The following PHACTR4 variants were observed in gnomAD, a reference collection of about 807,000 sequenced individuals.
PHACTR4 encodes protein phosphatase 1, regulatory subunit 124.
PHACTR4 carries 51 observed loss-of-function variants against 72.7 expected under a neutral mutation model. The observed-to-expected ratio is 0.70, with a 90% CI of 0.56 to 0.89. PHACTR4 has a LOEUF of 0.89. Ranked by LOEUF, PHACTR4 falls within the 40% of genes least tolerant of loss-of-function variation. PHACTR4 has a pLI of 0.00. For missense variants in PHACTR4, 731 were observed against 861.8 expected (o/e 0.85, Z 1.90); for synonymous variants, 255 against 302.5 (o/e 0.84, Z 1.63).
chr1:28,377,346 C>T (rs1367017344), intron 1 of PHACTR4, among the ~76,000 whole-genome samples: 3 of 150,724 alleles, frequency 2.0e-5, no homozygotes, highest in African/African-American at 7.3e-5. Flanking sequence ...TCAAGTGATT[C>T]TCCTGCCTCA....
At chr1:28,418,608 A>G (rs982468588) in intron 2 of PHACTR4, among the ~76,000 whole-genome samples, 1 of 152,162 alleles carries the variant, frequency 6.6e-6, no homozygotes, top group African/African-American at 2.4e-5. Context: ...TTCTTATTAC[A>G]AAAACAATAT....
At chr1:28,431,670 A>G (rs1264346621) in intron 2 of PHACTR4, among the ~76,000 whole-genome samples, 2 of 152,342 alleles carry the variant, frequency 1.3e-5, no homozygotes, top group Non-Finnish European at 2.9e-5. Flanking sequence ...GAAAAGGAAG[A>G]TAAAGTCTTC....
chr1:28,497,950 C>A lies in PHACTR4; in HGVS notation c.*1401C>A, dbSNP rs1358210610. The A allele has an allele frequency of 6.6e-6, 1 of 150,506 alleles. No homozygotes were observed. Among genetic ancestry groups the A allele is most frequent in the African/African-American group, 2.5e-5 (1 of 40,788 alleles). The allele number at this position is 150,506 out of a possible 1,614,324, so 9.3% of individuals were successfully genotyped here. ...GGTGGAGATTGCAGTGAGCCGAGATCGCGCCACTGCACTCCAGCCTGGGTG... is the reference window on the plus strand; with the variant it reads ...GGTGGAGATTGCAGTGAGCCGAGATAGCGCCACTGCACTCCAGCCTGGGTG... On this transcript the variant is annotated 3_prime_UTR_variant, in exon 14 of 14. Coordinates refer to ENST00000373839, the MANE Select transcript of PHACTR4 (RefSeq NM_001048183.3).
At chr1:28,387,322 CAAAT>C (rs1652637025) in intron 1 of PHACTR4, among the ~76,000 whole-genome samples, 1 of 149,324 alleles carries the variant, frequency 6.7e-6, no homozygotes, top group Admixed American at 6.7e-5. Context: ...CAGTGAGTGA[CAAAT>C]AGAAAGAGGG....
chr1:28,419,722 AG>A (rs1655388482), intron 2 of PHACTR4, among the ~76,000 whole-genome samples: 1 of 152,196 alleles, frequency 6.6e-6, no homozygotes, highest in Non-Finnish European at 1.5e-5. Context: ...TAAAAGCTTT[AG>A]TTACCCTAGG....
At chr1:28,417,999 A>G (rs999595772) in intron 2 of PHACTR4, among the ~76,000 whole-genome samples, 4 of 151,240 alleles carry the variant, frequency 2.6e-5, no homozygotes, top group African/African-American at 9.7e-5. Flanking sequence ...TTAGCCAGGT[A>G]TGGTGGCACA....
chr1:28,455,425 G>T (rs954251252), intron 2 of PHACTR4, among the ~76,000 whole-genome samples: 3 of 151,886 alleles, frequency 2.0e-5, no homozygotes, highest in Non-Finnish European at 2.9e-5. Flanking sequence ...TCAAACTCCT[G>T]ATCTCAGGTG....
chr1:28,384,609 A>C (rs1348889516), intron 1 of PHACTR4, among the ~76,000 whole-genome samples: 1 of 151,956 alleles, frequency 6.6e-6, no homozygotes, highest in Non-Finnish European at 1.5e-5. Context: ...CAAAGACCCA[A>C]CTCCACCAGG....
intron 6 of PHACTR4, among the ~76,000 whole-genome samples, chr1:28,468,777 G>A (rs1659377845): frequency 6.6e-6 from 1 of 152,118 alleles, no homozygotes; most frequent in African/African-American, 2.4e-5. Flanking sequence ...ATTTTAGTAA[G>A]CCTGGGATGG....
Position 28,473,828 on chromosome 1 carries a change from T to C in PHACTR4, c.1098T>C (p.Phe366=). Residue 366 remains phenylalanine (F), a synonymous_variant, in exon 7 of 14, where the codon TTT becomes TTC. Transcript: ENST00000373839. ...PRTPPFPAKT[F]QVVPEIEFPP... is the part of the protein sequence containing the mutation. ...CCCCTCCATTCCCTGCTAAGACTTT[T>C]CAAGTTGTGCCAGAAATTGAGTTTC... 1 of 1,613,990 alleles carries C rather than the reference T, an allele frequency of 6.2e-7. No individual in the cohort carries two copies. The highest frequency in any genetic ancestry group is 8.5e-7 in the Non-Finnish European group (1 of 1,180,006).
chr1:28,467,508 C>G (rs543796588), intron 6 of PHACTR4, among the ~76,000 whole-genome samples: 1 of 152,042 alleles, frequency 6.6e-6, no homozygotes, highest in African/African-American at 2.4e-5. Context: ...AATGCCTCAG[C>G]TCACAAGGGG....
At chr1:28,392,856 CTG>C (rs1206824843) in intron 1 of PHACTR4, among the ~76,000 whole-genome samples, 1 of 151,656 alleles carries the variant, frequency 6.6e-6, no homozygotes, top group East Asian at 1.9e-4. Context: ...AATTTTCTAT[CTG>C]TGAAATTGTG....
At chr1:28,444,889 A>T (rs2124423361) in intron 2 of PHACTR4, among the ~76,000 whole-genome samples, 1 of 150,886 alleles carries the variant, frequency 6.6e-6, no homozygotes, top group Non-Finnish European at 1.5e-5. Flanking sequence ...GGCATCCCAA[A>T]GTGCTGGGAT....
intron 8 of PHACTR4, among the ~76,000 whole-genome samples, chr1:28,477,088 ATTT>A (rs761589104): frequency 1.5e-5 from 2 of 129,606 alleles, no homozygotes; most frequent in African/African-American, 2.8e-5. Flanking sequence ...TATATATATA[ATTT>A]TTTTTTTTTT....
chr1:28,462,157 G>A (rs544293066), intron 4 of PHACTR4, among the ~76,000 whole-genome samples: 44 of 150,972 alleles, frequency 2.9e-4, no homozygotes, highest in African/African-American at 9.5e-4. Flanking sequence ...ACAGGCATCC[G>A]CCACCACACC....
intron 1 of PHACTR4, among the ~76,000 whole-genome samples, chr1:28,403,404 A>G (rs541845604): frequency 1.3e-5 from 2 of 151,934 alleles, no homozygotes; most frequent in South Asian, 2.1e-4. Context: ...CCTTGAGTCA[A>G]CTCTTCATAT....
Position 28,465,865 on chromosome 1 carries a change from T to G in PHACTR4, c.436+16T>G. 6.3e-7 allele frequency: 1 copy of G among 1,595,918 alleles called. No homozygotes were observed. Among genetic ancestry groups the G allele is most frequent in the Non-Finnish European group, 8.5e-7 (1 of 1,174,916 alleles). ...AAACGACTAGGTAAGAAACTCTGGA[T>G]TTTTGAGTTTAAGAGCCACGGGCCA... On this transcript the variant is annotated intron_variant, in intron 5 of 13. Transcript: ENST00000373839.
intron 1 of PHACTR4, among the ~76,000 whole-genome samples, chr1:28,400,973 T>C (rs943833445): frequency 2.0e-5 from 3 of 152,176 alleles, no homozygotes; most frequent in Non-Finnish European, 2.9e-5. Context: ...CATGGCTGTC[T>C]TGAGTAATCA....
intron 2 of PHACTR4, among the ~76,000 whole-genome samples, chr1:28,451,560 C>T (rs1657976139): frequency 6.6e-6 from 1 of 152,044 alleles, no homozygotes; most frequent in Admixed American, 6.6e-5. Flanking sequence ...GTGCGCATCA[C>T]TGTGCCCTGC....
Sources: allele counts gnomAD v4.1 joint callset (sites outside exome capture counted in the v4.1 genomes callset), GRCh38; gene constraint gnomAD v4.1.1; transcripts MANE v1.5; gene names NCBI Gene and HGNC (gene_info 2026-07-23, HGNC 2026-07-21).